The following NDE1 variants were observed in gnomAD, a reference collection of about 807,000 sequenced individuals.
The protein encoded by NDE1 is nuclear distribution protein nudE homolog 1.
Under a neutral mutation model 43.4 loss-of-function variants are expected in NDE1, and 28 were observed. The observed-to-expected ratio is 0.65, with a 90% confidence interval of 0.48 to 0.89. The LOEUF (loss-of-function observed/expected upper bound fraction) is 0.89, where lower values mean the gene tolerates loss of function less well. Ranked by LOEUF, NDE1 falls within the 40% of genes least tolerant of loss-of-function variation. NDE1 has a pLI of 0.00. For missense variants in NDE1, 441 were observed against 434.1 expected (o/e 1.02, Z -0.14); for synonymous variants, 184 against 172.0 (o/e 1.07, Z -0.55).
At chr16:15,712,519 C>T (rs2039861429) in intron 8 of NDE1, among the ~76,000 whole-genome samples, 1 of 151,972 alleles carries the variant, frequency 6.6e-6, no homozygotes, top group Non-Finnish European at 1.5e-5. Context: ...ATAGCTTGAA[C>T]TGGGAGGCAG....
Position 15,725,073 on chromosome 16 carries a change from ATGGGCTAGTACT to A in NDE1, c.*825_*836del, listed in dbSNP as rs1265633583. 2 of 1,112,594 alleles carry A rather than the reference ATGGGCTAGTACT, an allele frequency of 1.8e-6. No individual in the cohort carries two copies. Among genetic ancestry groups the A allele is most frequent in the African/African-American group, 3.1e-5 (2 of 64,882 alleles). The allele number at this position is 1,112,594 out of a possible 1,614,324, so 68.9% of individuals were successfully genotyped here. A position where few individuals can be genotyped will look rare whatever the true frequency, so the allele number is the denominator to read the frequency against. ...AAGGAGCCCTTTTTACTCAAAACACATGGGCTAGTACTTGAGGTGTTCACTGATTGAGAAAAT... is the reference window on the plus strand; with the variant it reads ...AAGGAGCCCTTTTTACTCAAAACACATGAGGTGTTCACTGATTGAGAAAAT... On this transcript the variant is annotated 3_prime_UTR_variant, in exon 9 of 9. Transcript: ENST00000396354.
intron 1 of NDE1, chr16:15,651,510 TG>T (rs1473993424): frequency 6.6e-6 from 1 of 151,732 alleles, no homozygotes; most frequent in Non-Finnish European, 1.5e-5. Flanking sequence ...GGTGCGATTT[TG>T]GCTCACTGCA....
chr16:15,717,775 CACAG>C (rs2040241497), intron 8 of NDE1: 1 of 276,490 alleles, frequency 3.6e-6, no homozygotes, highest in Non-Finnish European at 7.0e-6. Flanking sequence ...CAGCCTGGGC[CACAG>C]AGAGACCCTG....
At chr16:15,651,912 T>A (rs2036523840) in intron 1 of NDE1, 1 of 152,080 alleles carries the variant, frequency 6.6e-6, no homozygotes, top group African/African-American at 2.4e-5. Context: ...TTATTATTTA[T>A]TTATTTATTT....
rs199564260 is a variant in NDE1 at position 15,719,231 on chromosome 16, G to A, written c.948-4960G>A. ...ATTCAGTTTCCTACCTTCCCGACAG[G>A]CTACTGGCCAGCTCCTCTGCCAGTT... On this transcript the variant is annotated intron_variant, in intron 8 of 8. Transcript: ENST00000396354. 1.4e-4 allele frequency: 218 copies of A among 1,613,612 alleles called. No individual in the cohort carries two copies. The highest frequency in any genetic ancestry group is 1.8e-4 in the Non-Finnish European group (209 of 1,180,002).
intron 1 of NDE1, among the ~76,000 whole-genome samples, chr16:15,644,962 C>G (rs2036293453): frequency 6.7e-6 from 1 of 150,136 alleles, no homozygotes; most frequent in African/African-American, 2.5e-5. Context: ...CTTCATTGCC[C>G]AGGCTGGAGT....
At chr16:15,648,379 G>A (rs1199789881), upstream of NDE1, among the ~76,000 whole-genome samples, 1 of 152,076 alleles carries the variant, frequency 6.6e-6, no homozygotes, top group South Asian at 2.1e-4. Flanking sequence ...TGTTATGACA[G>A]GATGTTTTAG....
intron 8 of NDE1, 98 bp downstream of exon 8, chr16:15,696,958 A>G: frequency 6.4e-7 from 1 of 1,552,326 alleles, no homozygotes; most frequent in Non-Finnish European, 8.7e-7. Context: ...GTCTTTTTAA[A>G]TTATAGGATT....
At chr16:15,697,727 T>G (rs1200236583) in intron 8 of NDE1, among the ~76,000 whole-genome samples, 1 of 151,796 alleles carries the variant, frequency 6.6e-6, no homozygotes, top group Non-Finnish European at 1.5e-5. Context: ...AGTTAATTAA[T>G]TAGTTAAATA....
chr16:15,685,892 T>C (rs2038411444), intron 4 of NDE1, among the ~76,000 whole-genome samples: 1 of 151,802 alleles, frequency 6.6e-6, no homozygotes, highest in Admixed American at 6.6e-5. Context: ...ATAATAAAAA[T>C]TGCTGAAAAT....
At chr16:15,717,752 CGCCACTGCACTCCAGCCTGG>C in intron 8 of NDE1, 1 of 298,852 alleles carries the variant, frequency 3.3e-6, no homozygotes, top group African/African-American at 2.2e-5. Flanking sequence ...GCCAAGATTG[CGCCACTGCACTCCAGCCTGG>C]GCCACAGAGA....
At chr16:15,678,247 G>T (rs1399360531) in intron 4 of NDE1, among the ~76,000 whole-genome samples, 1 of 152,174 alleles carries the variant, frequency 6.6e-6, no homozygotes, top group East Asian at 1.9e-4. Flanking sequence ...TGCTATTTAG[G>T]CTAAGACCAG....
At chr16:15,681,454 A>G (rs148181707) in intron 4 of NDE1, among the ~76,000 whole-genome samples, 2 of 151,430 alleles carry the variant, frequency 1.3e-5, no homozygotes, top group East Asian at 3.9e-4. Flanking sequence ...TTGTAGATAC[A>G]GGGTTTTTCC....
At position 15,714,982 on chromosome 16, in the gene NDE1, G is replaced by T. The variant is rs749422717; in HGVS notation, c.948-9209G>T. ...CTCTCCGTGGCCTCATCCAGCTCCC[G>T]CTGCAGCTTCCTGCGGTTGGCGTTG... On this transcript the variant is annotated intron_variant, in intron 8 of 8. Coordinates refer to ENST00000396354, the MANE Select transcript of NDE1 (RefSeq NM_017668.3). The T allele has an allele frequency of 1.9e-6, 3 of 1,613,880 alleles. No homozygotes were observed. The African/African-American group carries it at 4.0e-5, about 22-fold the overall frequency.
At chr16:15,659,469 C>T (rs1224570245) in intron 1 of NDE1, among the ~76,000 whole-genome samples, 1 of 115,724 alleles carries the variant, frequency 8.6e-6, no homozygotes, top group Non-Finnish European at 1.7e-5. Context: ...GGAAGTCTCA[C>T]TCTGTCACCC....
chr16:15,712,293 G>C (rs1181446327), intron 8 of NDE1, among the ~76,000 whole-genome samples: 1 of 152,142 alleles, frequency 6.6e-6, no homozygotes, highest in Admixed American at 6.5e-5. Context: ...GGAGTCATTA[G>C]ATATACATGG....
chr16:15,710,822 C>T (rs577574331), intron 8 of NDE1, among the ~76,000 whole-genome samples: 1 of 152,226 alleles, frequency 6.6e-6, no homozygotes, highest in African/African-American at 2.4e-5. Flanking sequence ...GGATTACAGG[C>T]ATCTGCCACC....
intron 3 of NDE1, among the ~76,000 whole-genome samples, chr16:15,673,328 C>A (rs779235832): frequency 6.6e-6 from 1 of 151,838 alleles, no homozygotes; most frequent in Non-Finnish European, 1.5e-5. Flanking sequence ...CCCTGCCTCC[C>A]GGGTAGCTGG....
At chr16:15,678,015 G>GGT in intron 4 of NDE1, 66 bp downstream of exon 4, 1 of 1,592,538 alleles carries the variant, frequency 6.3e-7, no homozygotes, top group East Asian at 2.2e-5. Flanking sequence ...CCAGCAGCTG[G>GGT]GTACTGGGCC....
Sources: gnomAD v4.1 joint callset for allele counts (sites outside exome capture counted in the v4.1 genomes callset) on GRCh38, gnomAD v4.1.1 for gene constraint, MANE v1.5 for transcripts, NCBI Gene and HGNC (gene_info 2026-07-23, HGNC 2026-07-21) for gene names.